The following EIF4G3 variants were observed in gnomAD, a reference collection of about 807,000 sequenced individuals.
EIF4G3 encodes eukaryotic translation initiation factor 4 gamma 3, also known as eIF-4-gamma 3.
EIF4G3 carries 34 observed loss-of-function variants against 186.4 expected under a neutral mutation model. The observed-to-expected ratio is 0.18, with a 90% CI of 0.14 to 0.24. The LOEUF is 0.24. Ranked by LOEUF, EIF4G3 falls within the 10% of genes least tolerant of loss-of-function variation. The pLI, the probability that EIF4G3 is intolerant of heterozygous loss-of-function variation, is 1.00. For missense variants in EIF4G3, 1,536 were observed against 1,948.5 expected, an observed-to-expected ratio of 0.79 and a Z score of 3.99; for synonymous variants, 673 against 679.5, an observed-to-expected ratio of 0.99 and a Z score of 0.15.
chr1:21,043,914 A>AGAT (rs1008798547), intron 4 of EIF4G3, among the ~76,000 whole-genome samples: 4 of 151,908 alleles, frequency 2.6e-5, no homozygotes, highest in Non-Finnish European at 5.9e-5. Flanking sequence ...AGAGAGAGAG[A>AGAT]GATGAAACAC....
intron 29 of EIF4G3, among the ~76,000 whole-genome samples, chr1:20,846,851 G>A (rs961962939): frequency 2.0e-5 from 3 of 152,186 alleles, no homozygotes; most frequent in East Asian, 1.9e-4. Flanking sequence ...ACTTTTTAGA[G>A]TTACCGTGAG....
chr1:21,151,384 G>A (rs1558200969), intron 2 of EIF4G3, among the ~76,000 whole-genome samples: 3 of 151,214 alleles, frequency 2.0e-5, no homozygotes, highest in South Asian at 2.1e-4. Context: ...GGTTACAGGC[G>A]CCCGCCACCA....
In EIF4G3 at chr1:20,950,064, A is replaced by G; in HGVS notation, c.762T>C (p.Thr254=). 1 of 1,612,838 alleles carries G rather than the reference A, an allele frequency of 6.2e-7. No individual in the cohort carries two copies. The highest frequency in any genetic ancestry group is 8.5e-7 in the Non-Finnish European group (1 of 1,179,528). Residue 254 remains threonine (T), a synonymous_variant, in exon 13 of 37, where the codon ACT becomes ACC. Coordinates refer to ENST00000602326, the MANE Select transcript of EIF4G3 (RefSeq NM_001391906.1). The part of the protein sequence containing the change: ...VPEHSPVVYG[T]VESAHLAAST... ...TGGCAGCAAGATGAGCGCTCTCCAC[A>G]GTCCCATAAACCACAGGGCTGTGCT...
At chr1:20,856,218 A>G (rs1039253742) in intron 25 of EIF4G3, among the ~76,000 whole-genome samples, 2 of 152,230 alleles carry the variant, frequency 1.3e-5, no homozygotes, top group African/African-American at 2.4e-5. Flanking sequence ...ATTTTCTATC[A>G]TGAAGCAAAG....
chr1:20,950,231 A>G, intron 12 of EIF4G3, 120 bp from the exon 13 acceptor site: 1 of 590,478 alleles, frequency 1.7e-6, no homozygotes. Flanking sequence ...TTAAAAAAGG[A>G]AAGCAAGGAA....
At chr1:21,001,593 A>G (rs2083512806) in intron 5 of EIF4G3, among the ~76,000 whole-genome samples, 1 of 152,156 alleles carries the variant, frequency 6.6e-6, no homozygotes, top group Admixed American at 6.5e-5. Context: ...CTTGTATCAG[A>G]CATCTTATTG....
chr1:21,101,592 A>AAAAAAAAAAAAAAAGGGGGG (rs2096527869), intron 2 of EIF4G3, among the ~76,000 whole-genome samples: 1 of 71,956 alleles, frequency 1.4e-5, no homozygotes, highest in Admixed American at 1.9e-4. Flanking sequence ...AAAAAAACCG[A>AAAAAAAAAAAAAAAGGGGGG]GGGAGGGAGG....
At chr1:21,039,242 A>G (rs1444099776) in intron 4 of EIF4G3, among the ~76,000 whole-genome samples, 1 of 152,240 alleles carries the variant, frequency 6.6e-6, no homozygotes, top group East Asian at 1.9e-4. Flanking sequence ...GGATAGCCAC[A>G]TGCCAAAAAA....
chr1:20,984,957 A>T (rs999606612), intron 7 of EIF4G3, among the ~76,000 whole-genome samples: 2 of 152,240 alleles, frequency 1.3e-5, no homozygotes, highest in Non-Finnish European at 2.9e-5. Flanking sequence ...GTCATAAGAT[A>T]TATGTAAAAA....
chr1:20,913,272 A>G (rs1356452209), intron 14 of EIF4G3, among the ~76,000 whole-genome samples: 1 of 152,272 alleles, frequency 6.6e-6, no homozygotes, highest in East Asian at 1.9e-4. Flanking sequence ...AAATTCTATC[A>G]AAAACAGCCA....
intron 29 of EIF4G3, among the ~76,000 whole-genome samples, chr1:20,842,844 G>GT (rs58817719): frequency 0.012 from 1,659 of 138,250 alleles, 17 homozygotes; most frequent in African/African-American, 0.021. Context: ...GGGTCTTTTA[G>GT]TTTTTTTTTT....
chr1:20,823,277 A>G (rs2062832837), intron 33 of EIF4G3, among the ~76,000 whole-genome samples: 1 of 152,168 alleles, frequency 6.6e-6, no homozygotes. Flanking sequence ...CCAATTAGAT[A>G]GGTTAGATGT....
chr1:20,910,622 CTTGA>C (rs1386249591), intron 14 of EIF4G3, among the ~76,000 whole-genome samples: 1 of 152,064 alleles, frequency 6.6e-6, no homozygotes, highest in Non-Finnish European at 1.5e-5. Flanking sequence ...CAAAAACCTT[CTTGA>C]TTATCTTTAG....
intron 12 of EIF4G3, among the ~76,000 whole-genome samples, chr1:20,953,583 T>C (rs535130539): frequency 1.3e-5 from 2 of 152,348 alleles, no homozygotes; most frequent in African/African-American, 4.8e-5. Context: ...TGTTCTTTAA[T>C]ACTTCTTTGC....
At chr1:21,175,744 C>G (rs2103120288) in intron 2 of EIF4G3, 1 of 152,488 alleles carries the variant, frequency 6.6e-6, no homozygotes, top group Non-Finnish European at 1.5e-5. Flanking sequence ...TTATGGAAGC[C>G]CACTGTGTCC....
intron 8 of EIF4G3, 100 bp downstream of exon 8, chr1:20,982,288 A>G (rs990064391): frequency 1.1e-5 from 9 of 841,990 alleles, no homozygotes; most frequent in Non-Finnish European, 1.6e-5. Flanking sequence ...CCAATAGTAA[A>G]TTTCCAATGT....
intron 16 of EIF4G3, among the ~76,000 whole-genome samples, chr1:20,898,241 G>A (rs2089037561): frequency 6.6e-6 from 1 of 152,166 alleles, no homozygotes; most frequent in South Asian, 2.1e-4. Context: ...GGGCATGGGA[G>A]CACTTTGGGA....
In EIF4G3 at chr1:20,807,379, T is replaced by C; in HGVS notation, c.4866A>G (p.Lys1622=). The change falls in exon 37 of 37, where the codon AAA becomes AAG. Residue 1622 remains lysine (K), a synonymous_variant. Transcript: ENST00000602326. The stretch of plus-strand genomic sequence containing the variant: ...GCCACGTGAAGAATGCCGTGACAGA[T>C]TTCAGAGCCACGCCCTTCCCATTCT... The part of the protein sequence containing the change: ...AEQNGKGVAL[K]SVTAFFTWLR... 2.5e-6 allele frequency: 4 copies of C among 1,611,236 alleles called. No individual in the cohort carries two copies. The highest frequency in any genetic ancestry group is 3.4e-6 in the Non-Finnish European group (4 of 1,178,034).
At chr1:21,018,261 T>C (rs879496171) in intron 4 of EIF4G3, among the ~76,000 whole-genome samples, 3 of 152,142 alleles carry the variant, frequency 2.0e-5, no homozygotes, top group African/African-American at 2.4e-5. Flanking sequence ...TAAATGTTCT[T>C]AATGCCACGG....
Sources: allele counts gnomAD v4.1 joint callset (sites outside exome capture counted in the v4.1 genomes callset), GRCh38; gene constraint gnomAD v4.1.1; transcripts MANE v1.5; gene names NCBI Gene and HGNC (gene_info 2026-07-23, HGNC 2026-07-21).